Variants in MYLK observed in about 807,000 individuals in gnomAD.
The protein encoded by MYLK is myosin light chain kinase.
A neutral mutation model predicts 203.4 loss-of-function variants in MYLK; 106 were observed. That is an observed-to-expected ratio of 0.52 (90% confidence interval 0.45 to 0.61). The LOEUF (loss-of-function observed/expected upper bound fraction) is 0.61. Ranked by LOEUF, MYLK falls within the 20% of genes least tolerant of loss-of-function variation. The pLI is 0.00. For missense variants in MYLK, 2,072 were observed against 2,442.3 expected (o/e 0.85, Z 3.20); for synonymous variants, 867 against 959.5 (o/e 0.90, Z 1.78).
intron 2 of MYLK, among the ~76,000 whole-genome samples, chr3:123,867,371 A>C (rs1156669725): frequency 6.6e-6 from 1 of 151,520 alleles, no homozygotes; most frequent in African/African-American, 2.4e-5. Flanking sequence ...AATCAGGTTA[A>C]GATGAAGTCA....
At chr3:123,616,936 C>G (rs549108303) in intron 33 of MYLK, 136 of 152,240 alleles carry the variant, frequency 8.9e-4, no homozygotes, top group African/African-American at 3.2e-3. Context: ...AATATGAGCC[C>G]TAACCAGAAT....
At chr3:123,832,276 C>A (rs2066354475) in intron 2 of MYLK, among the ~76,000 whole-genome samples, 1 of 152,192 alleles carries the variant, frequency 6.6e-6, no homozygotes. Context: ...CTGGCCCAGG[C>A]TCCTGAAGTT....
At chr3:123,807,699 T>A (rs943953976) in intron 3 of MYLK, among the ~76,000 whole-genome samples, 4 of 152,188 alleles carry the variant, frequency 2.6e-5, no homozygotes, top group African/African-American at 9.7e-5. Flanking sequence ...GACACCACCA[T>A]CAGCAGATAG....
At chr3:123,684,553 C>CT (rs754367975) in intron 19 of MYLK, among the ~76,000 whole-genome samples, 4 of 150,466 alleles carry the variant, frequency 2.7e-5, no homozygotes, top group African/African-American at 7.3e-5. Flanking sequence ...TGTTTGGCCC[C>CT]TTTTTTTTTT....
chr3:123,707,836 C>T lies in MYLK; in HGVS notation c.2308G>A (p.Val770Met), dbSNP rs1443338445. ...GTGAACACGTCCTCATTCTGAAGCACCTCGAAGTGGCCAGTGTCTTTGCAG... is the reference window on the plus strand; with the variant it reads ...GTGAACACGTCCTCATTCTGAAGCATCTCGAAGTGGCCAGTGTCTTTGCAG... ...ALCKDTGHFE[V>M]LQNEDVFTLV... Residue 770 changes from valine to methionine, a missense_variant, in exon 16 of 34, where the codon GTG (valine) becomes ATG (methionine). Physicochemically the swap from Val to Met is conservative, Grantham distance 21. Around this residue, in one of 3 missense-constraint regions of MYLK, gnomAD observed 865 missense variants for 1,016.0 expected, o/e 0.85. Transcript: ENST00000360304. 3 of 1,614,112 alleles carry T rather than the reference C, an allele frequency of 1.9e-6. No homozygotes were observed. Among genetic ancestry groups the T allele is most frequent in the South Asian group, 2.2e-5 (2 of 91,082 alleles).
rs757164488 is a variant in MYLK, at chr3:123,614,156, A to G, written c.5694T>C (p.Ile1898=). 1.5e-5 allele frequency: 25 copies of G among 1,613,700 alleles called. No homozygotes were observed. The highest frequency in any genetic ancestry group is 4.2e-6 in the Non-Finnish European group (5 of 1,180,012). ...LGEATCTAEL[I]VETMEEGEGE... is the part of the protein sequence containing the mutation. ...CTTCACCTTCCTCCATCGTTTCCAC[A>G]ATGAGCTCTGCTGTGCAGGTGGCTT... Residue 1898 remains isoleucine (I), a synonymous_variant, in exon 34 of 34, where the codon ATT becomes ATC. Coordinates refer to ENST00000360304, the MANE Select transcript of MYLK (RefSeq NM_053025.4).
chr3:123,618,744 C>A lies in MYLK; in HGVS notation c.5395G>T (p.Ala1799Ser). 1 of 1,614,172 alleles carries A rather than the reference C, an allele frequency of 6.2e-7. No individual in the cohort carries two copies. The highest frequency in any genetic ancestry group is 8.5e-7 in the Non-Finnish European group (1 of 1,180,020). ...ACATGAGGCTTTTCCTCAGCAACAG[C>A]CTCAAGGAAAGCTTGGGACACATCT... ...EEDVSQAFLE[A>S]VAEEKPHVKP... The change falls in exon 33 of 34, where the codon GCT becomes TCT. Residue 1799 changes from alanine (A) to serine (S), a missense_variant. Physicochemically the swap from Ala to Ser is moderately conservative, Grantham distance 99. Coordinates refer to ENST00000360304, the MANE Select transcript of MYLK (RefSeq NM_053025.4).
chr3:123,828,431 G>A (rs1167946588), intron 3 of MYLK, among the ~76,000 whole-genome samples: 2 of 151,922 alleles, frequency 1.3e-5, no homozygotes, highest in Admixed American at 6.6e-5. Context: ...ACCCCCCACC[G>A]CTCATCCTAT....
intron 4 of MYLK, among the ~76,000 whole-genome samples, chr3:123,756,834 G>A (rs1015065438): frequency 6.6e-6 from 1 of 152,106 alleles, no homozygotes; most frequent in African/African-American, 2.4e-5. Context: ...TTGTATTCTT[G>A]AACAAAAGCC....
intron 8 of MYLK, among the ~76,000 whole-genome samples, chr3:123,736,910 C>T (rs1560152417): frequency 6.6e-6 from 1 of 152,150 alleles, no homozygotes; most frequent in African/African-American, 2.4e-5. Context: ...GTCTGCGCTG[C>T]CCTGTTCACC....
At chr3:123,849,478 T>C (rs557124351) in intron 2 of MYLK, among the ~76,000 whole-genome samples, 30 of 152,244 alleles carry the variant, frequency 2.0e-4, no homozygotes, top group African/African-American at 2.9e-4. Context: ...GTTTATTATA[T>C]AGTAAAAGCT....
rs147217838 is a variant in MYLK, at chr3:123,669,679, A to G, written c.3653-2492T>C. On this transcript the variant is annotated intron_variant, in intron 20 of 33. Transcript: ENST00000360304. ...TATATGTGTGTGTATATATACATGT[A>G]TATATGTGTGGAGAAGTAGAAGGAA... Among the ~76,000 whole-genome samples the G allele has an allele frequency of 6.2e-3, 944 of 152,174 alleles. 7 individuals are homozygous for G. Among genetic ancestry groups the G allele is most frequent in the African/African-American group, 0.022 (895 of 41,480 alleles).
chr3:123,618,574 T>C, intron 33 of MYLK, 65 bp downstream of exon 33: 1 of 1,606,944 alleles, frequency 6.2e-7, no homozygotes, highest in Non-Finnish European at 8.5e-7. Flanking sequence ...CCACGGTGCA[T>C]GGTAGGGACT....
chr3:123,750,408 A>T (rs1037529533), intron 5 of MYLK, among the ~76,000 whole-genome samples: 3 of 151,956 alleles, frequency 2.0e-5, no homozygotes, highest in Non-Finnish European at 2.9e-5. Flanking sequence ...GCTACTAAAA[A>T]TTTTCCTGCT....
intron 2 of MYLK, among the ~76,000 whole-genome samples, chr3:123,873,298 C>T (rs1305786062): frequency 6.6e-6 from 1 of 151,964 alleles, no homozygotes; most frequent in Admixed American, 6.6e-5. Context: ...ACTTCCTCAA[C>T]CTGATAAAAA....
chr3:123,618,108 C>G (rs950730111), intron 33 of MYLK: 2 of 170,782 alleles, frequency 1.2e-5, no homozygotes, highest in African/African-American at 4.8e-5. Context: ...CACATATGTC[C>G]CCTCACAGAA....
rs533606728 is a variant in MYLK, at chr3:123,838,725, T to C, written c.-126-7055A>G. On this transcript the variant is annotated intron_variant, in intron 2 of 33. Transcript: ENST00000360304. ...GTAGACTGTGATGAAAGATATATGT[T>C]GTAAACACTAGAGCACACACTACAT... Among the ~76,000 whole-genome samples, 4 of 152,282 alleles carry C rather than the reference T, an allele frequency of 2.6e-5. 1 individual carries two copies. The South Asian group carries it at 6.2e-4, about 24-fold the overall frequency.
intron 2 of MYLK, among the ~76,000 whole-genome samples, chr3:123,861,139 AC>A (rs1156369630): frequency 2.3e-4 from 35 of 151,692 alleles, no homozygotes; most frequent in Admixed American, 5.9e-4. Flanking sequence ...CAAAAAAAAA[AC>A]AAAAAACAAA....
chr3:123,813,829 C>A (rs2065647663), intron 3 of MYLK, among the ~76,000 whole-genome samples: 1 of 152,088 alleles, frequency 6.6e-6, no homozygotes, highest in African/African-American at 2.4e-5. Flanking sequence ...GCCTCTTAAG[C>A]ACTAGAGGCA....
Sources: allele counts gnomAD v4.1 joint callset (sites outside exome capture counted in the v4.1 genomes callset), GRCh38; gene constraint gnomAD v4.1.1; regional missense constraint gnomAD v4.1.1; transcripts MANE v1.5; gene names NCBI Gene and HGNC (gene_info 2026-07-23, HGNC 2026-07-21).